Variants in MAD1L1 observed in about 807,000 individuals in gnomAD.
MAD1L1 encodes the protein mitotic arrest deficient 1 like 1.
MAD1L1 carries 95 observed loss-of-function variants against 96.9 expected under a neutral mutation model. The ratio of observed to expected loss-of-function variants is 0.98; its 90% CI spans 0.83 to 1.16. MAD1L1 has a LOEUF of 1.16. MAD1L1 is among the 50% of genes most tolerant of loss of function. The pLI is 0.00. For missense variants in MAD1L1, 1,007 were observed against 954.4 expected (o/e 1.06, Z -0.73); for synonymous variants, 473 against 396.6 (o/e 1.19, Z -2.29).
intron 18 of MAD1L1, among the ~76,000 whole-genome samples, chr7:1,891,375 A>C (rs55657939): frequency 0.038 from 5,740 of 152,084 alleles, 225 homozygotes; most frequent in African/African-American, 0.093. Flanking sequence ...AGTACAAAAA[A>C]ATTAGCTGGG....
chr7:1,932,493 G>T (rs1789538547), intron 17 of MAD1L1, among the ~76,000 whole-genome samples: 1 of 152,240 alleles, frequency 6.6e-6, no homozygotes, highest in Non-Finnish European at 1.5e-5. Context: ...CAGACCTGAT[G>T]TGGGGCTGGG....
intron 10 of MAD1L1, among the ~76,000 whole-genome samples, chr7:2,208,481 T>C (rs551733906): frequency 6.6e-6 from 1 of 152,306 alleles, no homozygotes; most frequent in African/African-American, 2.4e-5. Flanking sequence ...CTGGTCTCCA[T>C]GTCAGGGATG....
chr7:1,950,224 C>T (rs1449826751), intron 16 of MAD1L1, among the ~76,000 whole-genome samples: 1 of 152,232 alleles, frequency 6.6e-6, no homozygotes, highest in Non-Finnish European at 1.5e-5. Context: ...CAGTCCCCAG[C>T]ACCCTGACCT....
intron 17 of MAD1L1, among the ~76,000 whole-genome samples, chr7:1,904,943 T>C (rs1472460968): frequency 1.1e-5 from 1 of 88,156 alleles, no homozygotes; most frequent in East Asian, 3.7e-4. Context: ...AACTCATGAT[T>C]GATGAAGCAC....
chr7:2,147,835 C>T (rs990760662), intron 11 of MAD1L1, among the ~76,000 whole-genome samples: 3 of 152,248 alleles, frequency 2.0e-5, no homozygotes, highest in African/African-American at 7.2e-5. Context: ...GCGAATGTTC[C>T]CTTCCGTGTG....
At chr7:1,860,666 C>T (rs759726980) in intron 18 of MAD1L1, among the ~76,000 whole-genome samples, 3 of 152,318 alleles carry the variant, frequency 2.0e-5, no homozygotes, top group South Asian at 2.1e-4. Flanking sequence ...GGGCTACTGG[C>T]GACTGCACCC....
intron 17 of MAD1L1, among the ~76,000 whole-genome samples, chr7:1,913,328 C>T (rs1480748785): frequency 1.3e-5 from 2 of 150,592 alleles, no homozygotes; most frequent in East Asian, 2.0e-4. Context: ...CCCCTGAGTG[C>T]TGAGGAGCAC....
intron 11 of MAD1L1, among the ~76,000 whole-genome samples, chr7:2,115,745 T>C (rs529621322): frequency 1.7e-3 from 252 of 152,338 alleles, no homozygotes; most frequent in African/African-American, 5.7e-3. Flanking sequence ...TCAGGACTAT[T>C]CCTGGCCAAA....
intron 17 of MAD1L1, among the ~76,000 whole-genome samples, chr7:1,905,971 G>A (rs1355369164): frequency 1.3e-5 from 2 of 149,240 alleles, no homozygotes; most frequent in African/African-American, 2.5e-5. Context: ...AATTGCTTGA[G>A]CCCAGTAAGC....
intron 15 of MAD1L1, among the ~76,000 whole-genome samples, chr7:1,978,982 C>T (rs919924728): frequency 2.6e-5 from 4 of 152,318 alleles, no homozygotes; most frequent in South Asian, 2.1e-4. Context: ...GCTTCAGAGA[C>T]GCTGGAGGAA....
At chr7:2,137,661 C>T (rs1788819757) in intron 11 of MAD1L1, among the ~76,000 whole-genome samples, 1 of 152,216 alleles carries the variant, frequency 6.6e-6, no homozygotes, top group African/African-American at 2.4e-5. Flanking sequence ...GCCTGAAAAC[C>T]TCAGCCAGGA....
At chr7:1,881,788 G>T (rs1443039852) in intron 18 of MAD1L1, among the ~76,000 whole-genome samples, 2 of 152,204 alleles carry the variant, frequency 1.3e-5, no homozygotes, top group African/African-American at 4.8e-5. Flanking sequence ...CAGCAGACAC[G>T]ACCCGAGGCC....
intron 18 of MAD1L1, chr7:1,847,608 T>G (rs907719628): frequency 2.1e-5 from 10 of 470,808 alleles, no homozygotes; most frequent in Non-Finnish European, 4.4e-5. Context: ...AGCATGGAGA[T>G]CTCAGCCCTG....
chr7:2,202,700 C>A (rs1056411259), intron 10 of MAD1L1, among the ~76,000 whole-genome samples: 4 of 152,216 alleles, frequency 2.6e-5, no homozygotes, highest in African/African-American at 9.6e-5. Context: ...CGCCCACCTT[C>A]CCAAGCACCA....
At chr7:1,946,695 T>A (rs974762547) in intron 16 of MAD1L1, among the ~76,000 whole-genome samples, 3 of 152,074 alleles carry the variant, frequency 2.0e-5, no homozygotes, top group African/African-American at 7.2e-5. Flanking sequence ...GCAGGGCAGG[T>A]CCCCGGCCAC....
At chr7:2,042,363 G>A (rs955899791) in intron 12 of MAD1L1, among the ~76,000 whole-genome samples, 2 of 152,138 alleles carry the variant, frequency 1.3e-5, no homozygotes, top group African/African-American at 4.8e-5. Context: ...GGGCACACAG[G>A]CACAAGGGCA....
In MAD1L1 at chr7:2,089,981, T is replaced by C. The variant is rs75910706; in HGVS notation, c.1074-20643A>G. On this transcript the variant is annotated intron_variant, in intron 11 of 18. Transcript: ENST00000265854. ...ACAGGGAACACCAACCCTAGTGATG[T>C]TGGTTTGCTACCAGCTATGCAACGA... Among the ~76,000 whole-genome samples the C allele has an allele frequency of 5.0e-3, 755 of 152,330 alleles. 3 individuals are homozygous for C. Among genetic ancestry groups the C allele is most frequent in the Non-Finnish European group, 8.1e-3 (550 of 68,026 alleles).
chr7:2,213,901 G>A (rs778458682), intron 9 of MAD1L1, among the ~76,000 whole-genome samples: 6 of 152,226 alleles, frequency 3.9e-5, no homozygotes, highest in Non-Finnish European at 8.8e-5. Context: ...GCAATCTGAG[G>A]GCAGGGACTC....
intron 14 of MAD1L1, among the ~76,000 whole-genome samples, chr7:1,998,001 T>C (rs1781633338): frequency 6.6e-6 from 1 of 152,196 alleles, no homozygotes; most frequent in Admixed American, 6.5e-5. Context: ...AGTCAAATGC[T>C]GCAGCTTGGG....
Sources: allele counts gnomAD v4.1 joint callset (sites outside exome capture counted in the v4.1 genomes callset), GRCh38; gene constraint gnomAD v4.1.1; transcripts MANE v1.5; gene names NCBI Gene and HGNC (gene_info 2026-07-23, HGNC 2026-07-21).